Variants in FRMD4A observed in about 807,000 individuals in gnomAD.
The protein encoded by FRMD4A is FERM domain-containing protein 4A.
FRMD4A carries 29 observed loss-of-function variants against 129.1 expected under a neutral mutation model. The ratio of observed to expected loss-of-function variants is 0.22; its 90% confidence interval spans 0.17 to 0.31. FRMD4A has a LOEUF of 0.31. FRMD4A is among the 10% of genes least tolerant of loss of function. The pLI is 1.00. For missense variants in FRMD4A, 1,272 were observed against 1,375.8 expected (o/e 0.92, Z 1.19); for synonymous variants, 634 against 571.6 (o/e 1.11, Z -1.56).
chr10:13,697,210 G>A (rs1332988922), intron 14 of FRMD4A, among the ~76,000 whole-genome samples: 1 of 150,154 alleles, frequency 6.7e-6, no homozygotes, highest in African/African-American at 2.5e-5. Context: ...CTGGGGGAGT[G>A]CGGTGGCACG....
At chr10:14,166,917 T>G (rs1463988237) in intron 2 of FRMD4A, among the ~76,000 whole-genome samples, 3 of 152,186 alleles carry the variant, frequency 2.0e-5, no homozygotes, top group Non-Finnish European at 4.4e-5. Context: ...AATAAATATG[T>G]ATGAAGGCCC....
At chr10:13,770,113 A>G (rs937648695) in intron 6 of FRMD4A, among the ~76,000 whole-genome samples, 25 of 152,328 alleles carry the variant, frequency 1.6e-4, no homozygotes, top group Non-Finnish European at 3.1e-4. Context: ...ATTTAGCCCA[A>G]CTTGCTCTCT....
Position 13,666,116 on chromosome 10 carries a change from C to T in FRMD4A, c.1584G>A (p.Arg528=). ...RIKSGKKPTQ[R]ASLIIDDGNI... ...ACTGACCGTCTATGATCAGCGAAGC[C>T]CTCTGGGTGGGTTTCTTCCCAGACT... is the stretch of plus-strand genomic sequence containing the variant. Residue 528 remains arginine (R), a synonymous_variant, in exon 18 of 25, where the codon AGG becomes AGA. Coordinates refer to ENST00000357447, the MANE Select transcript of FRMD4A (RefSeq NM_018027.5). 1 of 1,609,146 alleles carries T rather than the reference C, an allele frequency of 6.2e-7. No individual in the cohort carries two copies. Among genetic ancestry groups the T allele is most frequent in the Non-Finnish European group, 8.5e-7 (1 of 1,175,430 alleles).
At chr10:14,310,145 G>A (rs947757276) in intron 2 of FRMD4A, among the ~76,000 whole-genome samples, 3 of 146,782 alleles carry the variant, frequency 2.0e-5, no homozygotes, top group African/African-American at 7.6e-5. Flanking sequence ...GATCTGCCTC[G>A]GCTTTGGGCC....
chr10:13,673,888 G>C (rs910375666), intron 16 of FRMD4A, among the ~76,000 whole-genome samples: 15 of 145,618 alleles, frequency 1.0e-4, no homozygotes, highest in Admixed American at 1.0e-3. Context: ...CGATCCTCCT[G>C]CCTCACTCTC....
chr10:13,741,583 T>G (rs1268888503), intron 9 of FRMD4A, among the ~76,000 whole-genome samples: 1 of 152,196 alleles, frequency 6.6e-6, no homozygotes, highest in Non-Finnish European at 1.5e-5. Context: ...CTGAGCTCCC[T>G]GGGGCCCTTC....
intron 2 of FRMD4A, among the ~76,000 whole-genome samples, chr10:14,303,575 CAGA>C (rs1846254724): frequency 6.6e-6 from 1 of 152,200 alleles, no homozygotes; most frequent in Non-Finnish European, 1.5e-5. Flanking sequence ...CTGGGGTAGG[CAGA>C]AGATTACATT....
intron 2 of FRMD4A, among the ~76,000 whole-genome samples, chr10:14,015,933 T>G (rs925407834): frequency 4.7e-4 from 72 of 152,314 alleles, no homozygotes; most frequent in African/African-American, 1.7e-3. Context: ...AGGGTCACAA[T>G]GAGAGGCTCC....
At chr10:13,682,062 T>TC in intron 15 of FRMD4A, among the ~76,000 whole-genome samples, 1 of 116,468 alleles carries the variant, frequency 8.6e-6, no homozygotes, top group South Asian at 2.4e-4. Flanking sequence ...TCTACAAAAA[T>TC]TAAAAAAAAA....
At chr10:13,791,402 G>GGTGTGTGT (rs3032915) in intron 5 of FRMD4A, among the ~76,000 whole-genome samples, 281 of 150,034 alleles carry the variant, frequency 1.9e-3, no homozygotes, top group Middle Eastern at 3.4e-3. Flanking sequence ...AGAAATAAAA[G>GGTGTGTGT]GTGTGTGTGT....
intron 2 of FRMD4A, among the ~76,000 whole-genome samples, chr10:13,964,316 A>G (rs2131367570): frequency 6.6e-6 from 1 of 152,280 alleles, no homozygotes; most frequent in African/African-American, 2.4e-5. Context: ...AAAAAGAAAA[A>G]TTTAAAACAG....
chr10:14,236,778 A>G (rs1728218706), intron 2 of FRMD4A, among the ~76,000 whole-genome samples: 1 of 152,012 alleles, frequency 6.6e-6, no homozygotes. Context: ...TAATCCAACA[A>G]CGCGCAAACA....
In FRMD4A at chr10:13,884,159, C is replaced by A. The variant is rs867322877; in HGVS notation, c.46-25247G>T. 2.4e-3 allele frequency among the ~76,000 whole-genome samples: 42 copies of A among 17,830 alleles called. 1 individual carries two copies. Among genetic ancestry groups the A allele is most frequent in the African/African-American group, 5.5e-3 (37 of 6,708 alleles). The allele number at this position is 17,830 out of a possible 152,430, so 11.7% of individuals were successfully genotyped here. On this transcript the variant is annotated intron_variant, in intron 2 of 24. Coordinates refer to ENST00000357447, the MANE Select transcript of FRMD4A (RefSeq NM_018027.5). ...TCACACACACTCTCACACACTCTCA[C>A]ACACACACTCACACACTCACACACA...
intron 2 of FRMD4A, among the ~76,000 whole-genome samples, chr10:14,143,179 A>G (rs1839919891): frequency 6.6e-6 from 1 of 152,256 alleles, no homozygotes; most frequent in African/African-American, 2.4e-5. Context: ...AGATAGTTGT[A>G]CGTCCATCAT....
intron 2 of FRMD4A, among the ~76,000 whole-genome samples, chr10:14,287,808 C>T (rs527516284): frequency 2.6e-5 from 4 of 152,132 alleles, no homozygotes; most frequent in Non-Finnish European, 2.9e-5. Flanking sequence ...GTTCTTGAGG[C>T]CTTTTTTGCA....
Position 13,981,339 on chromosome 10 carries a change from C to T in FRMD4A, c.46-122427G>A, listed in dbSNP as rs1565152096. Among the ~76,000 whole-genome samples, 3 of 152,152 alleles carry T rather than the reference C, an allele frequency of 2.0e-5. No homozygotes were observed. The South Asian group carries it at 6.2e-4, about 32-fold the overall frequency. On this transcript the variant is annotated intron_variant, in intron 2 of 24. Coordinates refer to ENST00000357447, the MANE Select transcript of FRMD4A (RefSeq NM_018027.5). ...GGTTTAAAGCAGTCAACCAAAGCAT[C>T]TGTGAATAATGAATCGAGAGTTTAG...
At chr10:14,109,787 C>T (rs183154549) in intron 2 of FRMD4A, among the ~76,000 whole-genome samples, 2 of 151,566 alleles carry the variant, frequency 1.3e-5, no homozygotes, top group Non-Finnish European at 1.5e-5. Context: ...GCCTGGCCAA[C>T]ATGGAGAAAC....
At chr10:14,176,466 C>CTTTTTT (rs35347674) in intron 2 of FRMD4A, among the ~76,000 whole-genome samples, 1 of 72,830 alleles carries the variant, frequency 1.4e-5, no homozygotes, top group African/African-American at 5.1e-5. Flanking sequence ...TCACCTCCAT[C>CTTTTTT]TTTTTTTTTT....
chr10:13,725,762 T>C (rs1474352595), intron 12 of FRMD4A, among the ~76,000 whole-genome samples: 1 of 152,208 alleles, frequency 6.6e-6, no homozygotes, highest in Non-Finnish European at 1.5e-5. Flanking sequence ...CAAAGAGACG[T>C]TGTTTGCTTT....
Sources: allele counts gnomAD v4.1 joint callset (sites outside exome capture counted in the v4.1 genomes callset), GRCh38; gene constraint gnomAD v4.1.1; transcripts MANE v1.5; gene names NCBI Gene and HGNC (gene_info 2026-07-23, HGNC 2026-07-21).